SGCZ: variants seen among roughly 807,000 people sequenced by gnomAD.
SGCZ encodes sarcoglycan zeta.
A neutral mutation model predicts 41.3 loss-of-function variants in SGCZ; 40 were observed. The ratio of observed to expected loss-of-function variants is 0.97; its 90% CI spans 0.75 to 1.26. The LOEUF is 1.26. SGCZ is among the 50% of genes most tolerant of loss of function. The pLI is 0.00. For missense variants in SGCZ, 552 were observed against 369.8 expected (o/e 1.49, Z -4.04); for synonymous variants, 206 against 137.5 (o/e 1.50, Z -3.49).
chr8:15,181,868 G>A (rs992426025), intron 1 of SGCZ, among the ~76,000 whole-genome samples: 1 of 152,032 alleles, frequency 6.6e-6, no homozygotes, highest in African/African-American at 2.4e-5. Flanking sequence ...AGATTATTTG[G>A]GGAGGTGAAC....
At chr8:14,984,401 T>C (rs1179919538) in intron 1 of SGCZ, among the ~76,000 whole-genome samples, 1 of 152,230 alleles carries the variant, frequency 6.6e-6, no homozygotes, top group Non-Finnish European at 1.5e-5. Flanking sequence ...TTTAAAGTAC[T>C]TGTTTTAAAC....
intron 1 of SGCZ, among the ~76,000 whole-genome samples, chr8:14,680,434 T>G (rs1335675582): frequency 6.6e-6 from 1 of 152,150 alleles, no homozygotes; most frequent in Admixed American, 6.6e-5. Context: ...GGGGAAACTA[T>G]GTATGCATGG....
At chr8:14,738,286 T>C (rs111499712) in intron 1 of SGCZ, among the ~76,000 whole-genome samples, 62 of 152,210 alleles carry the variant, frequency 4.1e-4, no homozygotes, top group African/African-American at 1.4e-3. Context: ...TCCCCTCTTG[T>C]ACAGCCTCAG....
intron 1 of SGCZ, among the ~76,000 whole-genome samples, chr8:14,662,204 C>T (rs151111330): frequency 6.6e-6 from 1 of 152,238 alleles, no homozygotes; most frequent in East Asian, 1.9e-4. Context: ...CTATTACAGT[C>T]TCTTTGCTTA....
intron 2 of SGCZ, among the ~76,000 whole-genome samples, chr8:14,533,028 G>A (rs921857250): frequency 1.4e-4 from 21 of 152,068 alleles, no homozygotes; most frequent in African/African-American, 5.1e-4. Flanking sequence ...AAGTTCTAGT[G>A]TACATGTGCA....
intron 4 of SGCZ, among the ~76,000 whole-genome samples, chr8:14,167,889 A>G (rs1804256103): frequency 6.6e-6 from 1 of 152,190 alleles, no homozygotes; most frequent in Non-Finnish European, 1.5e-5. Flanking sequence ...TGTATGTTCT[A>G]CAGTACATCG....
At chr8:14,091,651 C>T (rs1801692324) in intron 7 of SGCZ, among the ~76,000 whole-genome samples, 1 of 152,076 alleles carries the variant, frequency 6.6e-6, no homozygotes. Flanking sequence ...TCATATTCTT[C>T]ACCCACTTTT....
intron 2 of SGCZ, among the ~76,000 whole-genome samples, chr8:14,491,281 CCA>C (rs143056495): frequency 6.7e-6 from 1 of 149,064 alleles, no homozygotes; most frequent in African/African-American, 2.5e-5. Context: ...ACCCACCCAC[CCA>C]CACACACACA....
chr8:14,364,750 A>G (rs2117142852), intron 2 of SGCZ, among the ~76,000 whole-genome samples: 1 of 152,190 alleles, frequency 6.6e-6, no homozygotes, highest in East Asian at 1.9e-4. Context: ...GGTATATTTT[A>G]GTTTATTATC....
chr8:14,832,375 A>G (rs1220118527), intron 1 of SGCZ, among the ~76,000 whole-genome samples: 1 of 152,158 alleles, frequency 6.6e-6, no homozygotes, highest in African/African-American at 2.4e-5. Context: ...ACATCCCTGA[A>G]TTTACACAAA....
At chr8:14,144,363 T>C (rs1298743520) in intron 5 of SGCZ, among the ~76,000 whole-genome samples, 1 of 152,156 alleles carries the variant, frequency 6.6e-6, no homozygotes, top group Non-Finnish European at 1.5e-5. Flanking sequence ...CATTTCTAGA[T>C]AGACCCTGGG....
intron 1 of SGCZ, among the ~76,000 whole-genome samples, chr8:15,137,953 G>A (rs1487377068): frequency 2.0e-5 from 3 of 152,126 alleles, no homozygotes; most frequent in Non-Finnish European, 2.9e-5. Context: ...TGCACTGTGT[G>A]CCTGGAAATG....
intron 4 of SGCZ, among the ~76,000 whole-genome samples, chr8:14,209,241 C>G (rs948216111): frequency 2.0e-5 from 3 of 152,200 alleles, no homozygotes; most frequent in Non-Finnish European, 2.9e-5. Context: ...GACACACAGC[C>G]TCTTCAAACC....
In SGCZ at chr8:14,207,874, C is replaced by A. The variant is rs1474585622; in HGVS notation, c.424+29718G>T. ...ACTTGATATGCGATTTGGGGTAGAT[C>A]TGATCATATGGCTACTGGAAGTGCA... On this transcript the variant is annotated intron_variant, in intron 4 of 7. Coordinates refer to ENST00000382080, the MANE Select transcript of SGCZ (RefSeq NM_139167.4). Among the ~76,000 whole-genome samples, 2 of 152,060 alleles carry A rather than the reference C, an allele frequency of 1.3e-5. 1 individual carries two copies. The highest frequency in any genetic ancestry group is 2.9e-5 in the Non-Finnish European group (2 of 68,004).
chr8:15,197,448 G>C (rs55801560), intron 1 of SGCZ, among the ~76,000 whole-genome samples: 2 of 152,108 alleles, frequency 1.3e-5, no homozygotes, highest in South Asian at 4.1e-4. Context: ...CAAATTCAAA[G>C]CATAATATCA....
intron 6 of SGCZ, among the ~76,000 whole-genome samples, chr8:14,104,134 T>A (rs1163704851): frequency 1.3e-5 from 2 of 152,160 alleles, no homozygotes; most frequent in Non-Finnish European, 2.9e-5. Context: ...AAAAGCCTGT[T>A]GAAAAAGGAA....
At chr8:14,225,513 T>G (rs1354480078) in intron 4 of SGCZ, among the ~76,000 whole-genome samples, 1 of 152,080 alleles carries the variant, frequency 6.6e-6, no homozygotes, top group Admixed American at 6.6e-5. Flanking sequence ...GAAATCAACA[T>G]GATAGTCAGG....
chr8:14,592,107 C>T (rs1250090676), intron 1 of SGCZ, among the ~76,000 whole-genome samples: 1 of 152,138 alleles, frequency 6.6e-6, no homozygotes, highest in Non-Finnish European at 1.5e-5. Context: ...GAAAATTTTG[C>T]TTTTCCCACT....
chr8:14,321,098 AT>A (rs1801902369), intron 3 of SGCZ, among the ~76,000 whole-genome samples: 1 of 152,090 alleles, frequency 6.6e-6, no homozygotes, highest in Non-Finnish European at 1.5e-5. Context: ...TGTTATCATC[AT>A]TACCATTTAT....
Sources: gnomAD v4.1 joint callset for allele counts (sites outside exome capture counted in the v4.1 genomes callset) on GRCh38, gnomAD v4.1.1 for gene constraint, MANE v1.5 for transcripts, NCBI Gene and HGNC (gene_info 2026-07-23, HGNC 2026-07-21) for gene names.